COL19A1: variants seen among roughly 807,000 people sequenced by gnomAD.
COL19A1 encodes the protein collagen type XIX alpha 1 chain, also known as collagen alpha-1(XIX) chain.
Under a neutral mutation model 190.2 loss-of-function variants are expected in COL19A1, and 159 were observed. The observed-to-expected ratio is 0.84, with a 90% CI of 0.73 to 0.95. COL19A1 has a LOEUF of 0.95. Ranked by LOEUF, COL19A1 falls within the 40% of genes least tolerant of loss-of-function variation. COL19A1 has a pLI of 0.00. For missense variants in COL19A1, 1,418 were observed against 1,431.9 expected (o/e 0.99, Z 0.16); for synonymous variants, 509 against 458.9 (o/e 1.11, Z -1.39).
At chr6:70,120,348 T>C (rs1170231980) in intron 16 of COL19A1, among the ~76,000 whole-genome samples, 1 of 152,186 alleles carries the variant, frequency 6.6e-6, no homozygotes, top group Non-Finnish European at 1.5e-5. Context: ...TTAATGCTAC[T>C]ACATATGGTG....
chr6:69,890,421 T>C (rs1231114438), intron 2 of COL19A1: 1 of 152,230 alleles, frequency 6.6e-6, no homozygotes, highest in Non-Finnish European at 1.5e-5. Flanking sequence ...CCTCCCTACA[T>C]TCAATCCCTT....
At chr6:69,900,062 A>G (rs1474351166) in intron 3 of COL19A1, among the ~76,000 whole-genome samples, 177 bp from the exon 4 acceptor site, 2 of 152,164 alleles carry the variant, frequency 1.3e-5, no homozygotes, top group Admixed American at 1.3e-4. Flanking sequence ...TGCAAAGTGA[A>G]TTTCATTCTC....
chr6:70,114,994 C>G lies in COL19A1; in HGVS notation c.1279-6886C>G, dbSNP rs145844855. Among the ~76,000 whole-genome samples the G allele has an allele frequency of 2.2e-4, 33 of 152,176 alleles. No individual in the cohort carries two copies. The East Asian group carries it at 4.8e-3, about 22-fold the overall frequency. On this transcript the variant is annotated intron_variant, in intron 16 of 50. Coordinates refer to ENST00000620364, the MANE Select transcript of COL19A1 (RefSeq NM_001858.6). The stretch of plus-strand genomic sequence containing the variant: ...CCCTGAGCTTATTTCCATTTGAGTC[C>G]CCACCACTTACAATCCAAGTTAACC...
At chr6:70,010,675 G>T (rs1293593351) in intron 11 of COL19A1, among the ~76,000 whole-genome samples, 1 of 137,502 alleles carries the variant, frequency 7.3e-6, no homozygotes, top group Non-Finnish European at 1.5e-5. Flanking sequence ...GGCGCACCAC[G>T]AGACTATATC....
Position 70,046,510 on chromosome 6 carries a change from A to G in COL19A1, c.1170+10571A>G, listed in dbSNP as rs557262088. Among the ~76,000 whole-genome samples the G allele has an allele frequency of 2.4e-3, 368 of 152,274 alleles. 3 individuals carry two copies. The highest frequency in any genetic ancestry group is 8.4e-3 in the African/African-American group (348 of 41,548). ...AACAAAGTAATTTTTCCAGAAAATT[A>G]TCCAATATTCAATTTTTTTTTAATG... is the stretch of plus-strand genomic sequence containing the variant. On this transcript the variant is annotated intron_variant, in intron 14 of 50. Transcript: ENST00000620364.
At chr6:70,118,473 A>G (rs1213462330) in intron 16 of COL19A1, among the ~76,000 whole-genome samples, 2 of 152,164 alleles carry the variant, frequency 1.3e-5, no homozygotes, top group Non-Finnish European at 2.9e-5. Context: ...TCGGACCGCT[A>G]GGAGAGTTTG....
At chr6:70,083,135 G>A (rs1782372833) in intron 15 of COL19A1, among the ~76,000 whole-genome samples, 2 of 152,158 alleles carry the variant, frequency 1.3e-5, no homozygotes, top group African/African-American at 2.4e-5. Context: ...CAAAAAGCAG[G>A]ATCATGTCTT....
Position 69,938,064 on chromosome 6 carries a change from G to A in COL19A1, c.900G>A (p.Pro300=), listed in dbSNP as rs150606082. Residue 300 remains proline, a synonymous_variant, in exon 9 of 51, where the codon CCG becomes CCA. Coordinates refer to ENST00000620364, the MANE Select transcript of COL19A1 (RefSeq NM_001858.6). ...NKGEAGLPGA[P]GSPGQKGHKG... is the part of the protein sequence containing the mutation. ...GAGAAGCAGGATTACCAGGAGCTCC[G>A]GGTTCACCTGGGCAGAAAGGGCATA... 40 of 1,612,552 alleles carry A rather than the reference G, an allele frequency of 2.5e-5. No individual in the cohort carries two copies. The highest frequency in any genetic ancestry group is 1.7e-4 in the African/African-American group (13 of 74,762).
At chr6:70,201,621 G>C (rs981031216) in intron 49 of COL19A1, among the ~76,000 whole-genome samples, 1 of 152,068 alleles carries the variant, frequency 6.6e-6, no homozygotes, top group African/African-American at 2.4e-5. Flanking sequence ...GACATATCTT[G>C]ACTACAACTT....
chr6:69,968,171 A>C (rs1462347965), intron 11 of COL19A1, among the ~76,000 whole-genome samples: 1 of 152,130 alleles, frequency 6.6e-6, no homozygotes, highest in Non-Finnish European at 1.5e-5. Flanking sequence ...TTCAGTGGTT[A>C]CTTTTGAAGA....
intron 44 of COL19A1, among the ~76,000 whole-genome samples, chr6:70,181,245 C>T (rs1329113383): frequency 6.6e-6 from 1 of 152,154 alleles, no homozygotes; most frequent in African/African-American, 2.4e-5. Flanking sequence ...GTGCAAAATT[C>T]AGGAAGCCAG....
At chr6:70,167,822 C>T (rs1454190848) in intron 37 of COL19A1, among the ~76,000 whole-genome samples, 2 of 152,240 alleles carry the variant, frequency 1.3e-5, no homozygotes, top group African/African-American at 4.8e-5. Flanking sequence ...CTCACACTCC[C>T]TTTTCATTTC....
intron 16 of COL19A1, among the ~76,000 whole-genome samples, chr6:70,112,516 A>G (rs1457950559): frequency 4.6e-5 from 7 of 152,048 alleles, no homozygotes; most frequent in African/African-American, 1.4e-4. Flanking sequence ...TCTAACTATC[A>G]TGCCATGGAG....
At chr6:70,137,271 AGAAAAAAGTGCCT>A (rs1341375896) in intron 18 of COL19A1, among the ~76,000 whole-genome samples, 2 of 152,178 alleles carry the variant, frequency 1.3e-5, no homozygotes, top group African/African-American at 2.4e-5. Context: ...ACCTAAACAA[AGAAAAAAGTGCCT>A]GAAATAAAAT....
At chr6:70,146,748 A>G in intron 26 of COL19A1, 45 bp downstream of exon 26, 1 of 1,593,582 alleles carries the variant, frequency 6.3e-7, no homozygotes, top group Non-Finnish European at 8.5e-7. Context: ...AATAATTAAC[A>G]AAATACAGCA....
At chr6:70,047,955 G>A (rs963390699) in intron 14 of COL19A1, among the ~76,000 whole-genome samples, 5 of 152,166 alleles carry the variant, frequency 3.3e-5, no homozygotes, top group Non-Finnish European at 7.4e-5. Flanking sequence ...TAGTTCCTAG[G>A]AAAATGGCTG....
chr6:70,074,644 G>A (rs1019922379), intron 15 of COL19A1, among the ~76,000 whole-genome samples: 5 of 152,004 alleles, frequency 3.3e-5, no homozygotes, highest in Admixed American at 2.0e-4. Context: ...ACTAACAATT[G>A]TCTGCAGTTG....
chr6:70,044,190 T>G (rs1308418354), intron 14 of COL19A1, among the ~76,000 whole-genome samples: 1 of 152,268 alleles, frequency 6.6e-6, no homozygotes, highest in East Asian at 1.9e-4. Flanking sequence ...GGGCTTGCTC[T>G]GGATTAGGCT....
At chr6:69,986,620 A>T (rs1470363775) in intron 11 of COL19A1, among the ~76,000 whole-genome samples, 1 of 152,208 alleles carries the variant, frequency 6.6e-6, no homozygotes, top group African/African-American at 2.4e-5. Flanking sequence ...TGTACTAAAT[A>T]TGTGAAGCCC....
Sources: gnomAD v4.1 joint callset for allele counts (sites outside exome capture counted in the v4.1 genomes callset) on GRCh38, gnomAD v4.1.1 for gene constraint, MANE v1.5 for transcripts, NCBI Gene and HGNC (gene_info 2026-07-23, HGNC 2026-07-21) for gene names.